Variants in PIGN observed in about 807,000 individuals in gnomAD.
PIGN encodes phosphatidylinositol glycan anchor biosynthesis class N.
In PIGN, 117 loss-of-function variants were observed where a neutral mutation model predicts 125.4. The observed-to-expected ratio is 0.93, with a 90% CI of 0.80 to 1.09. The LOEUF is 1.09. PIGN is among the 50% of genes least tolerant of loss of function. The probability of loss-of-function intolerance (pLI) is 0.00; values close to 1 mark genes in which losing one functional copy is unlikely to be tolerated. For synonymous variants in PIGN, 392 were observed against 377.8 expected, an observed-to-expected ratio of 1.04 and a Z score of -0.44; for missense variants, 1,075 against 1,094.9, an observed-to-expected ratio of 0.98 and a Z score of 0.26.
At chr18:62,151,719 TG>T (rs2036542586) in intron 7 of PIGN, among the ~76,000 whole-genome samples, 1 of 152,238 alleles carries the variant, frequency 6.6e-6, no homozygotes, top group Non-Finnish European at 1.5e-5. Flanking sequence ...CTTCCATTGC[TG>T]CCTTGGTCTC....
intron 30 of PIGN, among the ~76,000 whole-genome samples, chr18:62,070,930 T>G (rs189373363): frequency 3.5e-3 from 527 of 152,268 alleles, no homozygotes; most frequent in South Asian, 7.7e-3. Context: ...CTTAGCCTCC[T>G]GAGTAGCTGA....
chr18:62,050,111 T>C (rs1030057219), intron 30 of PIGN, among the ~76,000 whole-genome samples: 1 of 151,924 alleles, frequency 6.6e-6, no homozygotes, highest in African/African-American at 2.4e-5. Context: ...AGCCTTGTAG[T>C]ATAGTTTGAA....
At chr18:62,072,484 T>C (rs2032936177) in intron 30 of PIGN, 189 bp downstream of exon 30, 1 of 454,200 alleles carries the variant, frequency 2.2e-6, no homozygotes, top group Admixed American at 3.9e-5. Flanking sequence ...TTCAGTATGA[T>C]AACATGCTGT....
chr18:62,045,526 G>A lies in PIGN; in HGVS notation c.*330C>T, dbSNP rs1202430588. 3 of 218,248 alleles carry A rather than the reference G, an allele frequency of 1.4e-5. No homozygotes were observed. Among genetic ancestry groups the A allele is most frequent in the African/African-American group, 2.3e-5 (1 of 43,144 alleles). The allele number at this position is 218,248 out of a possible 1,614,324, so 13.5% of individuals were successfully genotyped here. ...CAGGCATATGCTCTCCTCTGGGTAT[G>A]TGGGAAGTTGTGCGACTGGGGACCA... On this transcript the variant is annotated 3_prime_UTR_variant, in exon 31 of 31. Transcript: ENST00000640252.
intron 6 of PIGN, among the ~76,000 whole-genome samples, chr18:62,155,761 C>G (rs746446316): frequency 4.0e-5 from 6 of 151,886 alleles, no homozygotes; most frequent in Non-Finnish European, 7.4e-5. Context: ...ATTATTTGTC[C>G]TCTCCCATCC....
chr18:62,148,543 T>A (rs2036419008), intron 7 of PIGN, among the ~76,000 whole-genome samples: 1 of 152,116 alleles, frequency 6.6e-6, no homozygotes, highest in Non-Finnish European at 1.5e-5. Flanking sequence ...GTTTTCTCTG[T>A]TATAATAAGG....
intron 14 of PIGN, among the ~76,000 whole-genome samples, chr18:62,117,768 C>T (rs4643440): frequency 0.3 from 45,774 of 151,824 alleles, 8,054 homozygotes; most frequent in East Asian, 0.59. Context: ...TTGTCTACGT[C>T]ATCAAAGCTA....
chr18:62,071,791 T>C (rs1276696237), intron 30 of PIGN, among the ~76,000 whole-genome samples: 2 of 148,720 alleles, frequency 1.3e-5, no homozygotes, highest in Non-Finnish European at 3.0e-5. Context: ...ATAATGACAA[T>C]AAACAACTGT....
intron 30 of PIGN, 78 bp downstream of exon 30, chr18:62,072,595 A>G (rs1180917053): frequency 9.1e-7 from 1 of 1,100,394 alleles, no homozygotes; most frequent in Non-Finnish European, 1.3e-6. Context: ...ATGTTTGCAC[A>G]GTGAAGAAAT....
chr18:62,106,940 T>C, intron 18 of PIGN, 46 bp downstream of exon 18: 1 of 1,534,562 alleles, frequency 6.5e-7, no homozygotes, highest in Non-Finnish European at 8.9e-7. Flanking sequence ...TAGTTACAAA[T>C]ATATAAAAGA....
intron 30 of PIGN, among the ~76,000 whole-genome samples, chr18:62,048,448 C>T (rs542758600): frequency 4.6e-5 from 7 of 152,180 alleles, no homozygotes; most frequent in Admixed American, 4.6e-4. Flanking sequence ...TGAGAAATGA[C>T]ACCTTACCTA....
intron 28 of PIGN, among the ~76,000 whole-genome samples, chr18:62,078,709 G>T (rs999876837): frequency 6.6e-6 from 1 of 152,168 alleles, no homozygotes; most frequent in Non-Finnish European, 1.5e-5. Flanking sequence ...GGTATTATTT[G>T]ATCTCCAAGA....
intron 21 of PIGN, among the ~76,000 whole-genome samples, chr18:62,101,512 C>T (rs913560368): frequency 3.9e-5 from 6 of 152,160 alleles, no homozygotes; most frequent in Non-Finnish European, 8.8e-5. Flanking sequence ...TACATTCTGT[C>T]AAAGCTACTA....
At chr18:62,065,537 G>A (rs1465191407) in intron 30 of PIGN, among the ~76,000 whole-genome samples, 3 of 152,114 alleles carry the variant, frequency 2.0e-5, no homozygotes, top group Non-Finnish European at 4.4e-5. Flanking sequence ...AGAATATCGA[G>A]ACCATCCTGG....
At position 62,161,302 on chromosome 18, in the gene PIGN, A is replaced by C; in HGVS notation, c.52T>G (p.Ser18Ala). ...GLLIHFVFFA[S>A]IFDIYFTSPL... ...GATGTAAAATAAATGTCAAAGATGG[A>C]GGCGAAGAACACAAAATGTATAAGC... Residue 18 changes from serine to alanine, a missense_variant, in exon 4 of 31, where the codon TCC becomes GCC. Ser to Ala is a moderately conservative substitution (Grantham distance 99). Around this residue, in one of 3 missense-constraint regions of PIGN, gnomAD observed 152 missense variants for 162.9 expected, o/e 0.93. Coordinates refer to ENST00000640252, the MANE Select transcript of PIGN (RefSeq NM_176787.5). 6.2e-7 allele frequency: 1 copy of C among 1,613,700 alleles called. No individual in the cohort carries two copies. The highest frequency in any genetic ancestry group is 8.5e-7 in the Non-Finnish European group (1 of 1,179,736).
At chr18:62,090,023 A>C (rs2033884481) in intron 24 of PIGN, among the ~76,000 whole-genome samples, 1 of 152,178 alleles carries the variant, frequency 6.6e-6, no homozygotes, top group Non-Finnish European at 1.5e-5. Flanking sequence ...CAGAATAAGC[A>C]ATTTGGATTA....
chr18:62,154,045 A>C (rs2036630594), intron 7 of PIGN: 2 of 153,206 alleles, frequency 1.3e-5, no homozygotes, highest in Admixed American at 6.5e-5. Context: ...ATGTTCAAAA[A>C]ACTAGTACTT....
intron 23 of PIGN, among the ~76,000 whole-genome samples, chr18:62,017,903 G>C (rs635401): frequency 0.24 from 35,825 of 151,656 alleles, 4,453 homozygotes; most frequent in Middle Eastern, 0.36. Flanking sequence ...ACATTTTATC[G>C]GGCATATTAC....
Position 62,145,958 on chromosome 18 carries a change from C to G in PIGN, c.873G>C (p.Lys291Asn), listed in dbSNP as rs755735717. 2 of 1,609,330 alleles carry G rather than the reference C, an allele frequency of 1.2e-6. No individual in the cohort carries two copies. Among genetic ancestry groups the G allele is most frequent in the Admixed American group, 3.3e-5 (2 of 59,846 alleles). The change falls in exon 10 of 31, where the codon AAG (lysine) becomes AAC (asparagine). Residue 291 changes from lysine to asparagine, a missense_variant. Physicochemically the swap from Lys to Asn is moderately conservative, Grantham distance 94 (BLOSUM62 0). This residue lies in a region of PIGN where 915 missense variants were observed against 908.7 expected (regional missense o/e 1.01). Transcript: ENST00000640252. Reference protein sequence around the residue: ...TPLVTWGAGIKYPQRVSAQQF... With the variant: ...TPLVTWGAGINYPQRVSAQQF... The stretch of plus-strand genomic sequence containing the variant: ...GCTGAGCTGATACTCTTTGGGGATA[C>G]TTGATTCCAGCTCCCCAAGTGACTA...
Sources: gnomAD v4.1 joint callset for allele counts (sites outside exome capture counted in the v4.1 genomes callset) on GRCh38, gnomAD v4.1.1 for gene constraint, gnomAD v4.1.1 regional missense constraint, MANE v1.5 for transcripts, NCBI Gene and HGNC (gene_info 2026-07-23, HGNC 2026-07-21) for gene names.